PLEKHA5: variants seen among roughly 807,000 people sequenced by gnomAD.
PLEKHA5 encodes the protein pleckstrin homology domain-containing family A member 5.
A neutral mutation model predicts 181.9 loss-of-function variants in PLEKHA5; 55 were observed. The observed-to-expected ratio is 0.30, with a 90% CI of 0.24 to 0.38. The LOEUF (loss-of-function observed/expected upper bound fraction) is 0.38. Among genes scored for constraint, PLEKHA5 ranks in the 10% least tolerant of loss-of-function variants. The pLI is 1.00. For missense variants in PLEKHA5, 1,432 were observed against 1,549.5 expected, an observed-to-expected ratio of 0.92 and a Z score of 1.27; for synonymous variants, 535 against 529.4, an observed-to-expected ratio of 1.01 and a Z score of -0.15.
chr12:19,284,735 TC>T (rs1256892799), intron 12 of PLEKHA5, among the ~76,000 whole-genome samples: 3 of 152,194 alleles, frequency 2.0e-5, no homozygotes, highest in Non-Finnish European at 2.9e-5. Flanking sequence ...CACAACCAGT[TC>T]CCTAATGTCT....
chr12:19,140,153 G>A (rs1385256349), intron 3 of PLEKHA5, among the ~76,000 whole-genome samples: 1 of 152,116 alleles, frequency 6.6e-6, no homozygotes, highest in Non-Finnish European at 1.5e-5. Context: ...AATTCTGCCC[G>A]TCTGGGGAGT....
At chr12:19,312,576 A>G (rs1006700582) in intron 15 of PLEKHA5, among the ~76,000 whole-genome samples, 4 of 152,172 alleles carry the variant, frequency 2.6e-5, no homozygotes, top group African/African-American at 9.7e-5. Flanking sequence ...CCAGCTTCCA[A>G]GTTTCCTTCT....
chr12:19,137,568 G>A (rs182463892), intron 3 of PLEKHA5, among the ~76,000 whole-genome samples: 125 of 152,304 alleles, frequency 8.2e-4, no homozygotes, highest in African/African-American at 2.9e-3. Context: ...TAAATATGCA[G>A]TATATTAAAA....
chr12:19,132,811 C>T (rs1591758984), intron 3 of PLEKHA5, among the ~76,000 whole-genome samples: 1 of 89,488 alleles, frequency 1.1e-5, no homozygotes. Context: ...TGTGTATATT[C>T]CTGGGTAATA....
intron 18 of PLEKHA5, 65 bp from the exon 19 acceptor site, chr12:19,322,245 C>T: frequency 3.2e-6 from 3 of 939,160 alleles, no homozygotes; most frequent in South Asian, 1.4e-5. Flanking sequence ...CATATAATGA[C>T]TGCCTACCTC....
intron 12 of PLEKHA5, 124 bp from the exon 13 acceptor site, chr12:19,287,349 T>C (rs1042074708): frequency 5.7e-6 from 4 of 705,536 alleles, no homozygotes; most frequent in Non-Finnish European, 1.0e-5. Context: ...CTATCATCTT[T>C]CATAAGCACT....
At chr12:19,244,744 C>T (rs564614431) in intron 3 of PLEKHA5, among the ~76,000 whole-genome samples, 1 of 152,122 alleles carries the variant, frequency 6.6e-6, no homozygotes, top group East Asian at 1.9e-4. Context: ...ACTCGTTTTG[C>T]GCAGTAGATA....
At chr12:19,288,971 T>C (rs2077814853) in intron 13 of PLEKHA5, among the ~76,000 whole-genome samples, 1 of 152,230 alleles carries the variant, frequency 6.6e-6, no homozygotes, top group African/African-American at 2.4e-5. Flanking sequence ...CCATAAATAA[T>C]AAACCAGAGT....
intron 15 of PLEKHA5, among the ~76,000 whole-genome samples, chr12:19,298,905 G>T (rs909901094): frequency 9.9e-5 from 15 of 152,112 alleles, no homozygotes; most frequent in African/African-American, 3.6e-4. Flanking sequence ...AAAACCCCCA[G>T]CGGAAAAGAG....
At chr12:19,147,953 T>G (rs1475536942) in intron 3 of PLEKHA5, among the ~76,000 whole-genome samples, 2 of 152,196 alleles carry the variant, frequency 1.3e-5, no homozygotes, top group South Asian at 4.1e-4. Flanking sequence ...CCCAGGTTGA[T>G]CTCGAACTCC....
chr12:19,306,930 T>TAG (rs2083998926), intron 15 of PLEKHA5: 1 of 915,392 alleles, frequency 1.1e-6, no homozygotes, highest in African/African-American at 1.6e-5. Context: ...TGGCAGGTCT[T>TAG]CTGCTTGGTG....
At chr12:19,351,991 G>A (rs964663818) in intron 25 of PLEKHA5, among the ~76,000 whole-genome samples, 7 of 149,964 alleles carry the variant, frequency 4.7e-5, no homozygotes, top group South Asian at 2.1e-4. Context: ...CAGGAGAATC[G>A]CTTGAATGCA....
At chr12:19,172,465 G>C (rs1212816063) in intron 3 of PLEKHA5, among the ~76,000 whole-genome samples, 1 of 152,074 alleles carries the variant, frequency 6.6e-6, no homozygotes, top group African/African-American at 2.4e-5. Context: ...ACCCGGGGGG[G>C]CAAAAGATTT....
chr12:19,355,548 G>A (rs909781006), intron 26 of PLEKHA5, among the ~76,000 whole-genome samples: 4 of 151,066 alleles, frequency 2.6e-5, no homozygotes, highest in African/African-American at 7.3e-5. Context: ...TAGTAGTGAC[G>A]GGGTCTCTCT....
At chr12:19,317,979 G>T (rs2089519060) in intron 16 of PLEKHA5, among the ~76,000 whole-genome samples, 1 of 121,648 alleles carries the variant, frequency 8.2e-6, no homozygotes, top group Admixed American at 1.1e-4. Context: ...ATGATAAACA[G>T]TGTTACCATG....
intron 3 of PLEKHA5, chr12:19,153,756 T>A (rs2151349481): frequency 6.6e-6 from 1 of 152,330 alleles, no homozygotes; most frequent in East Asian, 1.9e-4. Context: ...CATTGTTCTG[T>A]TGGGTTTGTT....
At chr12:19,259,976 T>C (rs922897243) in intron 6 of PLEKHA5, among the ~76,000 whole-genome samples, 6 of 149,244 alleles carry the variant, frequency 4.0e-5, no homozygotes, top group Non-Finnish European at 9.0e-5. Flanking sequence ...TTCTTTTTTC[T>C]TTTTTTTTGG....
chr12:19,291,196 A>G (rs1757733901), intron 14 of PLEKHA5, among the ~76,000 whole-genome samples: 1 of 152,214 alleles, frequency 6.6e-6, no homozygotes. Flanking sequence ...TATAGCTTTA[A>G]TAATACTGCC....
intron 3 of PLEKHA5, among the ~76,000 whole-genome samples, chr12:19,170,681 G>A (rs895053001): frequency 9.2e-5 from 14 of 152,230 alleles, no homozygotes; most frequent in African/African-American, 3.1e-4. Flanking sequence ...GCCTCCCAAA[G>A]TGTTGGGATT....
Sources: allele counts gnomAD v4.1 joint callset (sites outside exome capture counted in the v4.1 genomes callset), GRCh38; gene constraint gnomAD v4.1.1; transcripts MANE v1.5; gene names NCBI Gene and HGNC (gene_info 2026-07-23, HGNC 2026-07-21).